MICAL3: variants seen among roughly 807,000 people sequenced by gnomAD.
MICAL3 encodes [F-actin]-monooxygenase MICAL3.
Under a neutral mutation model 207.4 loss-of-function variants are expected in MICAL3, and 62 were observed. The observed-to-expected ratio is 0.30, with a 90% CI of 0.24 to 0.37. The LOEUF is 0.37. MICAL3 is among the 10% of genes least tolerant of loss of function. The pLI, the probability that MICAL3 is intolerant of heterozygous loss-of-function variation, is 1.00. For missense variants in MICAL3, 2,368 were observed against 2,635.6 expected (o/e 0.90, Z 2.22); for synonymous variants, 1,077 against 1,069.3 (o/e 1.01, Z -0.14).
chr22:17,900,073 A>G lies in MICAL3; in HGVS notation c.848-525T>C, dbSNP rs559486813. 6.6e-6 allele frequency among the ~76,000 whole-genome samples: 1 copy of G among 152,390 alleles called. No homozygotes were observed. The highest frequency in any genetic ancestry group is 2.4e-5 in the African/African-American group (1 of 41,604). ...TTTAGCAAAATATCTAAGTTGATCTATTCAAAACCTATCATACAACAATCT... is the reference window on the plus strand; with the variant it reads ...TTTAGCAAAATATCTAAGTTGATCTGTTCAAAACCTATCATACAACAATCT... On this transcript the variant is annotated intron_variant, in intron 6 of 31. Coordinates refer to ENST00000441493, the MANE Select transcript of MICAL3 (RefSeq NM_015241.3). This position sits in a 1 kb window ranked among gnomAD's most constrained non-coding sequence, Gnocchi z 4.0.
chr22:17,817,862 C>A lies in MICAL3; in HGVS notation c.4799G>T (p.Arg1600Met), dbSNP rs1921168852. 1 of 1,612,222 alleles carries A rather than the reference C, an allele frequency of 6.2e-7. No individual in the cohort carries two copies. The highest frequency in any genetic ancestry group is 1.3e-5 in the African/African-American group (1 of 74,934). Reference sequence around the variant, plus strand: ...CGCCTGGCTCTTCACGGACTTCTCCCTGGCTCGCATGCGCTCCTCGGCCAA... The same window carrying A: ...CGCCTGGCTCTTCACGGACTTCTCCATGGCTCGCATGCGCTCCTCGGCCAA... Reference protein sequence around the residue: ...KELAEERMRAREKSVKSQALR... With the variant: ...KELAEERMRAMEKSVKSQALR... The change falls in exon 26 of 32, where the codon AGG becomes ATG. Residue 1600 changes from arginine (R) to methionine (M), a missense_variant. Physicochemically the swap from Arg to Met is moderately conservative, Grantham distance 91. Transcript: ENST00000441493.
chr22:17,919,946 A>AC (rs1569133234), intron 1 of MICAL3, among the ~76,000 whole-genome samples: 1 of 152,168 alleles, frequency 6.6e-6, no homozygotes. Flanking sequence ...CCAGCCCACT[A>AC]CCCCAGAGAC....
At chr22:17,853,551 A>C (rs1925563081) in intron 19 of MICAL3, among the ~76,000 whole-genome samples, 1 of 152,240 alleles carries the variant, frequency 6.6e-6, no homozygotes, top group Non-Finnish European at 1.5e-5. Context: ...CTTTTAAATA[A>C]ACAAGTTTCA....
At chr22:17,820,861 A>ATAAAC (rs1921516334) in intron 25 of MICAL3, among the ~76,000 whole-genome samples, 23 of 129,532 alleles carry the variant, frequency 1.8e-4, no homozygotes, top group African/African-American at 6.4e-4. Flanking sequence ...AATTTGTTCT[A>ATAAAC]ATAAATTTTA....
At chr22:17,975,663 AC>A (rs762852573) in intron 1 of MICAL3, among the ~76,000 whole-genome samples, 9 of 152,226 alleles carry the variant, frequency 5.9e-5, no homozygotes, top group Non-Finnish European at 1.2e-4. Context: ...ATGAAATAGC[AC>A]ATTTTCAAGT....
intron 20 of MICAL3, among the ~76,000 whole-genome samples, chr22:17,833,486 G>A (rs953339434): frequency 6.6e-6 from 1 of 152,194 alleles, no homozygotes; most frequent in Admixed American, 6.5e-5. Context: ...GTGTGAGAGG[G>A]CGAACCAGTA....
Position 17,822,050 on chromosome 22 carries a change from G to A in MICAL3, c.3428C>T (p.Ser1143Leu). The change falls in exon 24 of 32, where the codon TCA (serine) becomes TTA (leucine). Residue 1143 changes from serine to leucine, a missense_variant. Transcript: ENST00000441493. ...VSEDEEKLPASPKHQERGPSQ... is the reference protein window; with the variant it reads ...VSEDEEKLPALPKHQERGPSQ... ...CTCACCTCTCTCTTGGTGCTTCGGT[G>A]AGGCGGGCAGCTTCTCCTCATCTTC... The A allele has an allele frequency of 6.2e-7, 1 of 1,613,902 alleles. No individual in the cohort carries two copies. The highest frequency in any genetic ancestry group is 8.5e-7 in the Non-Finnish European group (1 of 1,179,878).
At position 17,832,064 on chromosome 22, in the gene MICAL3, C is replaced by T. The variant is rs769771270; in HGVS notation, c.2845G>A (p.Glu949Lys). 3 of 1,591,344 alleles carry T rather than the reference C, an allele frequency of 1.9e-6. No individual in the cohort carries two copies. The South Asian group carries it at 3.4e-5, about 18-fold the overall frequency. ...TCAGATGGGGGCAGGCGAGGCTCCT[C>T]CTCCTCCTCCTCTCCCTCCTCCTCC... ...EMEEEGEEEEEEPRLPPSDLG... is the reference protein window; with the variant it reads ...EMEEEGEEEEKEPRLPPSDLG... Residue 949 changes from glutamate (E) to lysine (K), a missense_variant, in exon 21 of 32, where the codon GAG becomes AAG. Glu to Lys is a moderately conservative substitution (Grantham distance 56). Coordinates refer to ENST00000441493, the MANE Select transcript of MICAL3 (RefSeq NM_015241.3).
rs1601928006 is a variant in MICAL3 at position 17,801,404 on chromosome 22, C to G, written c.5650+7440G>C. ...TCCTGACCTCGTGATCCGCCCGCCT[C>G]GGCCTCCCAAAGTGCTGGGATTACA... On this transcript the variant is annotated intron_variant, in intron 29 of 31. Coordinates refer to ENST00000441493, the MANE Select transcript of MICAL3 (RefSeq NM_015241.3). Among the ~76,000 whole-genome samples, 2 of 141,654 alleles carry G rather than the reference C, an allele frequency of 1.4e-5. 1 individual carries two copies. The highest frequency in any genetic ancestry group is 4.6e-4 in the South Asian group (2 of 4,350). 92.9% of individuals were successfully genotyped at this position (141,654 alleles called of 152,430 possible).
intron 1 of MICAL3, among the ~76,000 whole-genome samples, chr22:17,960,726 C>A (rs958144157): frequency 1.4e-4 from 22 of 152,046 alleles, no homozygotes; most frequent in Non-Finnish European, 2.5e-4. Context: ...GAAACAGACA[C>A]CCGCCCCGGG....
chr22:17,864,941 C>G lies in MICAL3; in HGVS notation c.2563G>C (p.Gly855Arg), dbSNP rs200738503. 9 of 1,613,516 alleles carry G rather than the reference C, an allele frequency of 5.6e-6. No homozygotes were observed. The highest frequency in any genetic ancestry group is 7.6e-6 in the Non-Finnish European group (9 of 1,179,772). Residue 855 changes from glycine (G) to arginine (R), a missense_variant, in exon 19 of 32, where the codon GGA becomes CGA. This residue lies in a region of MICAL3 where 1,770 missense variants were observed against 1,863.2 expected (regional missense o/e 0.95). Coordinates refer to ENST00000441493, the MANE Select transcript of MICAL3 (RefSeq NM_015241.3). Reference protein sequence around the residue: ...LQDGATTDANGRANAVASSTE... With the variant: ...LQDGATTDANRRANAVASSTE... ...GAGCTGGCCACGGCGTTGGCCCGTC[C>G]GTTTGCATCTGTGGTGGCGCCATCC...
intron 19 of MICAL3, chr22:17,860,514 G>A: frequency 1.0e-6 from 1 of 985,472 alleles, no homozygotes; most frequent in Non-Finnish European, 1.2e-6. Context: ...TTGGTGCCCT[G>A]CTCGGACCTT....
At chr22:17,967,728 C>T (rs1056717130) in intron 1 of MICAL3, among the ~76,000 whole-genome samples, 4 of 151,476 alleles carry the variant, frequency 2.6e-5, no homozygotes, top group Non-Finnish European at 5.9e-5. Context: ...GGCAACACAG[C>T]GAAACCCCTT....
At chr22:18,017,247 C>T (rs2146512370) in intron 1 of MICAL3, among the ~76,000 whole-genome samples, 1 of 150,554 alleles carries the variant, frequency 6.6e-6, no homozygotes, top group East Asian at 2.0e-4. Context: ...GAGTCTCGCT[C>T]TTCTTGCCTA....
At position 17,904,834 on chromosome 22, in the gene MICAL3, G is replaced by A. The variant is rs1931599645; in HGVS notation, c.270C>T (p.Leu90=). The A allele has an allele frequency of 1.2e-6, 2 of 1,612,652 alleles. No individual in the cohort carries two copies. The highest frequency in any genetic ancestry group is 1.3e-5 in the African/African-American group (1 of 74,904). Residue 90 remains leucine (L), a synonymous_variant, in exon 3 of 32, where the codon CTC becomes CTT. Transcript: ENST00000441493. ...KGKACTNTKC[L]IIGAGPCGLR... The stretch of plus-strand genomic sequence containing the variant: ...GACCACAGGGGCCAGCCCCAATGAT[G>A]AGACACTGAAAAACACAGCTGCTTT...
intron 1 of MICAL3, among the ~76,000 whole-genome samples, chr22:17,939,874 T>C (rs1033067379): frequency 2.6e-5 from 4 of 152,318 alleles, no homozygotes; most frequent in Middle Eastern, 3.4e-3. Context: ...GGATAACCAA[T>C]TTAAAAGACA....
At chr22:17,863,481 G>A (rs531143340) in intron 19 of MICAL3, 4 of 985,284 alleles carry the variant, frequency 4.1e-6, no homozygotes, top group African/African-American at 3.5e-5. Flanking sequence ...AGCTGCAAAG[G>A]CCTGTGGGTA....
chr22:17,790,951 G>A (rs1451787872), intron 31 of MICAL3, 35 bp from the exon 32 acceptor site: 1 of 1,612,964 alleles, frequency 6.2e-7, no homozygotes, highest in Non-Finnish European at 8.5e-7. Context: ...TGAGGGGCCT[G>A]GAGGTGGCAC....
chr22:17,912,039 G>A (rs1932177657), intron 1 of MICAL3, among the ~76,000 whole-genome samples: 1 of 151,896 alleles, frequency 6.6e-6, no homozygotes, highest in Admixed American at 6.6e-5. Context: ...CCGTAAGTGA[G>A]GTGCATGAGG....
Sources: allele counts gnomAD v4.1 joint callset (sites outside exome capture counted in the v4.1 genomes callset), GRCh38; gene constraint gnomAD v4.1.1; regional missense constraint gnomAD v4.1.1; non-coding constraint Gnocchi (gnomAD v3.1); transcripts MANE v1.5; gene names NCBI Gene and HGNC (gene_info 2026-07-23, HGNC 2026-07-21).